The following ECT2 variants were observed in gnomAD, a reference collection of about 807,000 sequenced individuals.
The protein encoded by ECT2 is protein ECT2.
ECT2 carries 61 observed loss-of-function variants against 116.9 expected under a neutral mutation model. That is an observed-to-expected ratio of 0.52 (90% CI 0.42 to 0.65). The LOEUF is 0.65. ECT2 is among the 30% of genes least tolerant of loss of function. The pLI is 0.00. For missense variants in ECT2, 937 were observed against 1,078.7 expected (o/e 0.87, Z 1.84); for synonymous variants, 358 against 346.4 (o/e 1.03, Z -0.37).
At chr3:172,769,485 T>A (rs946999395) in intron 13 of ECT2, among the ~76,000 whole-genome samples, 3 of 152,158 alleles carry the variant, frequency 2.0e-5, no homozygotes, top group African/African-American at 4.8e-5. Flanking sequence ...TCTGAAAGTA[T>A]GGGTTCTGAG....
chr3:172,786,127 A>G (rs1359994581), intron 17 of ECT2, among the ~76,000 whole-genome samples: 1 of 152,118 alleles, frequency 6.6e-6, no homozygotes, highest in African/African-American at 2.4e-5. Flanking sequence ...TGATGTAGCC[A>G]TGGGCCCCAG....
chr3:172,769,213 T>C, intron 13 of ECT2, 70 bp downstream of exon 13: 1 of 1,396,776 alleles, frequency 7.2e-7, no homozygotes, highest in Non-Finnish European at 9.7e-7. Context: ...TAGGTGATAT[T>C]GTTTCTTACG....
intron 14 of ECT2, among the ~76,000 whole-genome samples, chr3:172,775,518 C>T (rs1274774168): frequency 1.3e-5 from 2 of 152,030 alleles, no homozygotes; most frequent in Non-Finnish European, 2.9e-5. Flanking sequence ...TAATCCTATT[C>T]CAATTAGGAT....
intron 18 of ECT2, among the ~76,000 whole-genome samples, chr3:172,800,695 CT>C (rs1169294411): frequency 6.6e-6 from 1 of 152,152 alleles, no homozygotes; most frequent in African/African-American, 2.4e-5. Context: ...AACATTGTAG[CT>C]TCCATCTCTG....
intron 18 of ECT2, among the ~76,000 whole-genome samples, chr3:172,792,151 T>C (rs1724789514): frequency 6.6e-6 from 1 of 152,170 alleles, no homozygotes; most frequent in Non-Finnish European, 1.5e-5. Flanking sequence ...ATTACAATAG[T>C]AACATCAAAG....
intron 20 of ECT2, 141 bp downstream of exon 20, chr3:172,803,121 A>G (rs1727032699): frequency 1.3e-6 from 1 of 766,620 alleles, no homozygotes; most frequent in Non-Finnish European, 1.9e-6. Flanking sequence ...ATCGAGGACA[A>G]TTTATGATTT....
intron 14 of ECT2, among the ~76,000 whole-genome samples, chr3:172,779,622 C>G (rs1267981473): frequency 1.3e-5 from 2 of 152,112 alleles, no homozygotes; most frequent in Admixed American, 6.6e-5. Flanking sequence ...TAACACAATT[C>G]AGGCCAGGCC....
intron 5 of ECT2, among the ~76,000 whole-genome samples, chr3:172,758,014 C>G (rs1388975449): frequency 6.6e-6 from 1 of 152,054 alleles, no homozygotes; most frequent in Non-Finnish European, 1.5e-5. Context: ...CATGCCACCA[C>G]GCCTGGCTAA....
intron 5 of ECT2, among the ~76,000 whole-genome samples, 198 bp from the exon 6 acceptor site, chr3:172,758,782 C>T (rs76662333): frequency 0.032 from 4,832 of 152,150 alleles, 163 homozygotes; most frequent in East Asian, 0.16. Context: ...ATTAAGGAAT[C>T]GGGAAATATT....
chr3:172,827,321 C>T, the ECT2 span, among the ~76,000 whole-genome samples: 1 of 152,186 alleles, frequency 6.6e-6, no homozygotes, highest in African/African-American at 2.4e-5. Flanking sequence ...AAAGAGATGT[C>T]TGCACTCCCA....
chr3:172,765,739 T>A (rs1719248206), intron 12 of ECT2, among the ~76,000 whole-genome samples: 2 of 152,362 alleles, frequency 1.3e-5, no homozygotes, highest in African/African-American at 4.8e-5. Context: ...TTTCTATTAC[T>A]GTAGCTTTTA....
At chr3:172,766,368 T>G (rs931602198) in intron 12 of ECT2, among the ~76,000 whole-genome samples, 3 of 152,222 alleles carry the variant, frequency 2.0e-5, no homozygotes, top group Non-Finnish European at 4.4e-5. Context: ...GAACTGTATA[T>G]TGTCATCAAC....
At position 172,762,940 on chromosome 3, in the gene ECT2, C is replaced by T. The variant is rs777991375; in HGVS notation, c.1036C>T (p.Arg346Ter). Residue 346 changes from arginine to a stop codon, truncating the protein, a stop_gained, in exon 11 of 25, where the codon CGA becomes TGA. Coordinates refer to ENST00000392692, the MANE Select transcript of ECT2 (RefSeq NM_001258315.2). LOFTEE classifies it high-confidence loss of function. ...CTGGGGAAGCATTCAAATGGATGCC[C>T]GAGCTGGAGAAACTATGTATTTATA... ...WFWGSIQMDA[R>*]AGETMYLYEK... 10 of 1,613,574 alleles carry T rather than the reference C, an allele frequency of 6.2e-6. No homozygotes were observed. Among genetic ancestry groups the T allele is most frequent in the African/African-American group, 2.7e-5 (2 of 74,858 alleles).
At chr3:172,810,581 A>G (rs1427821011) in intron 22 of ECT2, among the ~76,000 whole-genome samples, 2 of 152,146 alleles carry the variant, frequency 1.3e-5, no homozygotes, top group East Asian at 1.9e-4. Flanking sequence ...AATTTGGCCA[A>G]ATCAGAAGCT....
intron 18 of ECT2, among the ~76,000 whole-genome samples, chr3:172,795,032 T>A (rs1271256843): frequency 6.6e-6 from 1 of 152,220 alleles, no homozygotes; most frequent in Non-Finnish European, 1.5e-5. Context: ...ATATTAAATC[T>A]TCTGATTTAT....
intron 14 of ECT2, 73 bp from the exon 15 acceptor site, chr3:172,782,090 T>C: frequency 1.2e-6 from 1 of 821,546 alleles, no homozygotes; most frequent in South Asian, 2.6e-5. Flanking sequence ...CCAATGAGTA[T>C]CTCAGAAATA....
chr3:172,822,092 C>A (rs1730721693), downstream of ECT2, among the ~76,000 whole-genome samples: 2 of 151,886 alleles, frequency 1.3e-5, no homozygotes, highest in African/African-American at 2.4e-5. Flanking sequence ...CTTTTAGTTT[C>A]TTTAAGGCAT....
At chr3:172,796,859 A>G (rs757977287) in intron 18 of ECT2, among the ~76,000 whole-genome samples, 6 of 151,900 alleles carry the variant, frequency 3.9e-5, no homozygotes, top group South Asian at 2.1e-4. Context: ...AGGTTTCGCT[A>G]TGTTGGCCAG....
At chr3:172,823,047 T>A (rs1730751075), downstream of ECT2, among the ~76,000 whole-genome samples, 1 of 149,662 alleles carries the variant, frequency 6.7e-6, no homozygotes, top group African/African-American at 2.6e-5. Context: ...AATTAAAAAA[T>A]TCTCACAGAG....
Sources: allele counts gnomAD v4.1 joint callset (sites outside exome capture counted in the v4.1 genomes callset), GRCh38; gene constraint gnomAD v4.1.1; transcripts MANE v1.5; gene names NCBI Gene and HGNC (gene_info 2026-07-23, HGNC 2026-07-21).